SLIT2: variants seen among roughly 807,000 people sequenced by gnomAD.
SLIT2 encodes the protein slit homolog 2 protein.
SLIT2 carries 41 observed loss-of-function variants against 185.7 expected under a neutral mutation model. The observed-to-expected ratio is 0.22, with a 90% CI of 0.17 to 0.29. SLIT2 has a LOEUF of 0.29. Among genes scored for constraint, SLIT2 ranks in the 10% least tolerant of loss-of-function variants. The probability of loss-of-function intolerance (pLI) is 1.00; values close to 1 mark genes in which losing one functional copy is unlikely to be tolerated. For missense variants in SLIT2, 1,571 were observed against 1,909.0 expected (o/e 0.82, Z 3.30); for synonymous variants, 693 against 680.2 (o/e 1.02, Z -0.29).
intron 20 of SLIT2, among the ~76,000 whole-genome samples, 164 bp from the exon 21 acceptor site, chr4:20,542,330 A>G (rs960649172): frequency 1.1e-4 from 16 of 152,230 alleles, no homozygotes; most frequent in Admixed American, 5.2e-4. Context: ...ACAGTGCTAT[A>G]TAGAACTTAC....
chr4:20,413,366 G>A (rs1333194950), intron 4 of SLIT2, among the ~76,000 whole-genome samples: 1 of 151,948 alleles, frequency 6.6e-6, no homozygotes, highest in Non-Finnish European at 1.5e-5. Flanking sequence ...TTTAAATTGA[G>A]ACTTGTTCCG....
At position 20,427,004 on chromosome 4, in the gene SLIT2, TAACCAA is replaced by T. The variant is rs557828858; in HGVS notation, c.396-40746_396-40741del. Among the ~76,000 whole-genome samples, 360 of 152,292 alleles carry T rather than the reference TAACCAA, an allele frequency of 2.4e-3. 3 individuals are homozygous for T. The highest frequency in any genetic ancestry group is 0.01 in the Middle Eastern group (3 of 294). ...TACCTGCCCTCTATAGTCTAAGCTTTAACCAAACACTATGTAACATTTATGGTATAG... is the reference window on the plus strand; with the variant it reads ...TACCTGCCCTCTATAGTCTAAGCTTTACACTATGTAACATTTATGGTATAG... On this transcript the variant is annotated intron_variant, in intron 4 of 36. Transcript: ENST00000504154.
intron 4 of SLIT2, among the ~76,000 whole-genome samples, chr4:20,314,330 G>T (rs542455426): frequency 1.3e-5 from 2 of 152,086 alleles, no homozygotes; most frequent in Non-Finnish European, 2.9e-5. Context: ...CTTCTTTCCC[G>T]CTTGGGAAAC....
chr4:20,519,781 T>G (rs1257782051), intron 12 of SLIT2, among the ~76,000 whole-genome samples: 1 of 150,942 alleles, frequency 6.6e-6, no homozygotes. Flanking sequence ...AAAAATATGG[T>G]GATCACTTTG....
chr4:20,615,703 C>G (rs1224282294), intron 34 of SLIT2: 4 of 152,204 alleles, frequency 2.6e-5, no homozygotes, highest in Non-Finnish European at 5.9e-5. Context: ...TGAGTCATTT[C>G]CTATGAATGG....
At position 20,491,858 on chromosome 4, in the gene SLIT2, C is replaced by T. The variant is rs2148797693; in HGVS notation, c.873C>T (p.Leu291=). ...NNIVDCRGKG[L]TEIPTNLPET... The stretch of plus-strand genomic sequence containing the variant: ...TCGTAGACTGTCGTGGGAAAGGTCT[C>T]ACTGAGATCCCCACAAATCTTCCAG... The change falls in exon 9 of 37, where the codon CTC becomes CTT. Residue 291 remains leucine (L), a synonymous_variant. Coordinates refer to ENST00000504154, the MANE Select transcript of SLIT2 (RefSeq NM_004787.4). 1 of 1,613,886 alleles carries T rather than the reference C, an allele frequency of 6.2e-7. No individual in the cohort carries two copies. The highest frequency in any genetic ancestry group is 1.3e-5 in the African/African-American group (1 of 75,028).
chr4:20,538,013 G>T lies in SLIT2; in HGVS notation c.1833-1428G>T, dbSNP rs186341851. On this transcript the variant is annotated intron_variant, in intron 18 of 36. Coordinates refer to ENST00000504154, the MANE Select transcript of SLIT2 (RefSeq NM_004787.4). ...CTCGCTCTGTCGCCCAGGCTGGAGTGCTGTGATGCTATCTCAGCTCACTGC... is the reference window on the plus strand; with the variant it reads ...CTCGCTCTGTCGCCCAGGCTGGAGTTCTGTGATGCTATCTCAGCTCACTGC... 4.6e-3 allele frequency among the ~76,000 whole-genome samples: 702 copies of T among 152,286 alleles called. 6 individuals carry two copies. Among genetic ancestry groups the T allele is most frequent in the African/African-American group, 0.016 (669 of 41,544 alleles).
At chr4:20,567,953 T>C (rs927290124) in intron 28 of SLIT2, among the ~76,000 whole-genome samples, 4 of 152,106 alleles carry the variant, frequency 2.6e-5, no homozygotes, top group African/African-American at 9.6e-5. Context: ...GCTAGTCATA[T>C]ATTCATCTGT....
chr4:20,508,636 T>C (rs1719422056), intron 9 of SLIT2, among the ~76,000 whole-genome samples: 1 of 152,006 alleles, frequency 6.6e-6, no homozygotes, highest in Non-Finnish European at 1.5e-5. Context: ...ATAAAATAAA[T>C]ATGCATAAAT....
intron 11 of SLIT2, among the ~76,000 whole-genome samples, chr4:20,518,158 C>T (rs1021300638): frequency 4.0e-5 from 5 of 125,894 alleles, no homozygotes; most frequent in East Asian, 2.1e-4. Context: ...TATACATATA[C>T]ATACATATAC....
chr4:20,359,715 A>G (rs1722590525), intron 4 of SLIT2, among the ~76,000 whole-genome samples: 2 of 152,116 alleles, frequency 1.3e-5, no homozygotes, highest in Non-Finnish European at 2.9e-5. Context: ...TGGCTGCCAC[A>G]CAAGACATTA....
chr4:20,617,699 G>T, intron 36 of SLIT2, 49 bp downstream of exon 36: 1 of 1,223,182 alleles, frequency 8.2e-7, no homozygotes, highest in African/African-American at 1.5e-5. Context: ...AGCAAGAGGG[G>T]TCCCATGTCT....
At chr4:20,303,035 C>T (rs1717200671) in intron 4 of SLIT2, among the ~76,000 whole-genome samples, 1 of 152,074 alleles carries the variant, frequency 6.6e-6, no homozygotes, top group Non-Finnish European at 1.5e-5. Context: ...AAGTTTAAGA[C>T]ATATTTTATT....
intron 4 of SLIT2, among the ~76,000 whole-genome samples, chr4:20,424,059 A>T (rs933487513): frequency 2.0e-5 from 3 of 152,168 alleles, no homozygotes; most frequent in African/African-American, 7.2e-5. Flanking sequence ...TTAAATGTGT[A>T]AATGAAACCA....
intron 4 of SLIT2, among the ~76,000 whole-genome samples, chr4:20,272,946 A>G (rs905954666): frequency 6.6e-6 from 1 of 152,138 alleles, no homozygotes; most frequent in Admixed American, 6.6e-5. Context: ...TTTATGGCCT[A>G]GTGAATACTT....
chr4:20,527,474 G>A (rs546153059), intron 15 of SLIT2, among the ~76,000 whole-genome samples: 1 of 152,244 alleles, frequency 6.6e-6, no homozygotes, highest in Admixed American at 6.5e-5. Context: ...TTTTACTGGA[G>A]ATGGGTTTTC....
chr4:20,268,609 T>G (rs2109028002), intron 3 of SLIT2, among the ~76,000 whole-genome samples: 1 of 151,950 alleles, frequency 6.6e-6, no homozygotes, highest in South Asian at 2.1e-4. Flanking sequence ...AATCATCATC[T>G]TAGTAAGCAC....
At chr4:20,527,048 A>G (rs1302760138) in intron 15 of SLIT2, among the ~76,000 whole-genome samples, 1 of 152,238 alleles carries the variant, frequency 6.6e-6, no homozygotes, top group African/African-American at 2.4e-5. Flanking sequence ...TATATTTACC[A>G]TCGCAAACTT....
intron 4 of SLIT2, among the ~76,000 whole-genome samples, chr4:20,451,066 C>T (rs1267188240): frequency 6.6e-6 from 1 of 152,122 alleles, no homozygotes; most frequent in Admixed American, 6.5e-5. Context: ...TGTTTTTAAA[C>T]CTCCACTAAG....
Sources: allele counts gnomAD v4.1 joint callset (sites outside exome capture counted in the v4.1 genomes callset), GRCh38; gene constraint gnomAD v4.1.1; transcripts MANE v1.5; gene names NCBI Gene and HGNC (gene_info 2026-07-23, HGNC 2026-07-21).